DDX3X: variants seen among roughly 807,000 people sequenced by gnomAD.
The protein encoded by DDX3X is ATP-dependent RNA helicase DDX3X.
In DDX3X, 4 loss-of-function variants were observed where a neutral mutation model predicts 52.7. The ratio of observed to expected loss-of-function variants is 0.08; its 90% CI spans 0.04 to 0.17. The LOEUF is 0.17. Among genes scored for constraint, DDX3X ranks in the 10% least tolerant of loss-of-function variants. The pLI, the probability that DDX3X is intolerant of heterozygous loss-of-function variation, is 1.00. For synonymous variants in DDX3X, 192 were observed against 178.1 expected (o/e 1.08, Z -0.62); for missense variants, 222 against 548.6 (o/e 0.40, Z 5.95).
At position 41,346,495 on chromosome X, in the gene DDX3X, T is replaced by G. The variant is rs776607966; in HGVS notation, c.1498-10T>G. 8.3e-7 allele frequency: 1 copy of G among 1,201,910 alleles called. No individual in the cohort carries two copies. Among genetic ancestry groups the G allele is most frequent in the Non-Finnish European group, 1.1e-6 (1 of 889,510 alleles). Reference sequence around the variant, plus strand: ...TAAGTGGGCCATATCTCATAAAAGTTATTTTCCAGGTAGCAGCAAGAGGAC... The same window carrying G: ...TAAGTGGGCCATATCTCATAAAAGTGATTTTCCAGGTAGCAGCAAGAGGAC... On this transcript the variant is annotated splice_polypyrimidine_tract_variant and intron_variant, in intron 13 of 16. Transcript: ENST00000644876.
At position 41,342,421 on chromosome X, in the gene DDX3X, C is replaced by G. The variant is rs141054352; in HGVS notation, c.285-74C>G. ...TAGCCATAACTTAAGTCTCCAGATA[C>G]AGTTCTAGAGTAGGGATAAGAATCT... On this transcript the variant is annotated intron_variant, in intron 4 of 16. Coordinates refer to ENST00000644876, the MANE Select transcript of DDX3X (RefSeq NM_001356.5). 977 of 1,096,500 alleles carry G rather than the reference C, an allele frequency of 8.9e-4. 7 individuals carry two copies. The African/African-American group carries it at 0.016, about 18-fold the overall frequency. 90.4% of individuals were successfully genotyped at this position (1,096,500 alleles called of 1,213,427 possible). A position where few individuals can be genotyped will look rare whatever the true frequency, so the allele number is the denominator to read the frequency against.
chrX:41,334,585 GGACGCGCATGCGC>G, intron 1 of DDX3X: 2 of 1,084,015 alleles, frequency 1.8e-6, no homozygotes, highest in Non-Finnish European at 2.4e-6. Flanking sequence ...GCTCTCGCGG[GGACGCGCATGCGC>G]GAATCCCGAC....
At chrX:41,355,060 A>T (rs1220256224), downstream of DDX3X, among the ~76,000 whole-genome samples, 1 of 111,053 alleles carries the variant, frequency 9.0e-6, no homozygotes, top group Non-Finnish European at 1.9e-5. Context: ...ACCTCGGGTG[A>T]TCCGCCCGCC....
chrX:41,342,957 A>G (rs2063870703), intron 6 of DDX3X, 121 bp downstream of exon 6: 2 of 644,227 alleles, frequency 3.1e-6, no homozygotes, highest in Non-Finnish European at 4.8e-6. Flanking sequence ...TTTGTGGAAA[A>G]GGAGAAGTTG....
At chrX:41,359,628 T>C (rs1203563538) in intron 5 of DDX3X, among the ~76,000 whole-genome samples, 2 of 97,958 alleles carry the variant, frequency 2.0e-5, no homozygotes, top group African/African-American at 3.8e-5. Context: ...TGCCTCCAAA[T>C]TTTGGAGTGA....
At chrX:41,343,035 C>T in intron 6 of DDX3X, 181 bp from the exon 7 acceptor site, 1 of 604,266 alleles carries the variant, frequency 1.7e-6, no homozygotes, top group Non-Finnish European at 2.5e-6. Flanking sequence ...TAGGAACAAC[C>T]CAAAGTCTTC....
At chrX:41,356,929 C>CTTT (rs35577255) in intron 5 of DDX3X, among the ~76,000 whole-genome samples, 73 of 55,894 alleles carry the variant, frequency 1.3e-3, no homozygotes, top group Non-Finnish European at 1.8e-3. Context: ...CACACTAATT[C>CTTT]TTTTTTTTTT....
At chrX:41,355,285 T>C (rs2064004050) in intron 5 of DDX3X, among the ~76,000 whole-genome samples, 1 of 111,478 alleles carries the variant, frequency 9.0e-6, no homozygotes, top group East Asian at 2.8e-4. Flanking sequence ...AGACATAAGT[T>C]TTCATTTATG....
At chrX:41,362,280 G>T (rs1480911968) in intron 5 of DDX3X, among the ~76,000 whole-genome samples, 1 of 109,794 alleles carries the variant, frequency 9.1e-6, no homozygotes, top group Non-Finnish European at 1.9e-5. Flanking sequence ...GTAGAGACGG[G>T]GTTTTGCCAT....
chrX:41,345,095 T>C, intron 10 of DDX3X, 85 bp from the exon 11 acceptor site: 1 of 924,773 alleles, frequency 1.1e-6, no homozygotes, highest in Non-Finnish European at 1.5e-6. Context: ...ATTGTATTTG[T>C]AATTATACTA....
intron 3 of DDX3X, chrX:41,340,986 A>AT (rs1297855289): frequency 0.031 from 6,494 of 210,630 alleles, 1 homozygote; most frequent in East Asian, 0.044. Context: ...GTGTAAAGTA[A>AT]TTTTTTTTTT....
chrX:41,336,851 T>TA (rs2063778394), intron 1 of DDX3X: 1 of 114,035 alleles, frequency 8.8e-6, no homozygotes, highest in Non-Finnish European at 1.8e-5. Context: ...TTCTTAAGAG[T>TA]ACTACCCGAC....
intron 15 of DDX3X, 143 bp downstream of exon 15, chrX:41,347,155 G>A: frequency 2.2e-6 from 2 of 909,176 alleles, no homozygotes; most frequent in Non-Finnish European, 3.1e-6. Context: ...TCTTTGGTAA[G>A]GGGTTGTATT....
At chrX:41,346,787 G>A (rs1379297019) in intron 14 of DDX3X, 72 bp from the exon 15 acceptor site, 17 of 1,030,694 alleles carry the variant, frequency 1.6e-5, no homozygotes, top group African/African-American at 1.9e-5. Context: ...TTTCTACGTA[G>A]GAAAGTAAGA....
chrX:41,343,125 C>A, intron 6 of DDX3X, 91 bp from the exon 7 acceptor site: 1 of 1,009,522 alleles, frequency 9.9e-7, no homozygotes, highest in Non-Finnish European at 1.4e-6. Flanking sequence ...AACTGAGTTA[C>A]CAATCAGCTG....
intron 2 of DDX3X, chrX:41,337,857 T>A (rs904647036): frequency 8.2e-6 from 1 of 121,889 alleles, no homozygotes; most frequent in Non-Finnish European, 1.7e-5. Context: ...AGAACCTTAT[T>A]ATATCAAATT....
intron 5 of DDX3X, among the ~76,000 whole-genome samples, chrX:41,363,745 T>C (rs969296950): frequency 1.8e-5 from 2 of 111,136 alleles, no homozygotes; most frequent in Non-Finnish European, 3.8e-5. Flanking sequence ...ATCGCACCAT[T>C]GCACTCCAGC....
intron 1 of DDX3X, chrX:41,335,316 A>G (rs2147336165): frequency 9.0e-6 from 1 of 111,308 alleles, no homozygotes; most frequent in Admixed American, 9.5e-5. Context: ...CGCCATTGGA[A>G]AAACACCCGG....
At chrX:41,339,294 CTG>C (rs764950334) in intron 3 of DDX3X, 36 of 201,233 alleles carry the variant, frequency 1.8e-4, no homozygotes, top group African/African-American at 1.0e-3. Flanking sequence ...CTATGTCAAA[CTG>C]TTCTGACGCC....
Sources: allele counts gnomAD v4.1 joint callset (sites outside exome capture counted in the v4.1 genomes callset), GRCh38; gene constraint gnomAD v4.1.1; transcripts MANE v1.5; gene names NCBI Gene and HGNC (gene_info 2026-07-23, HGNC 2026-07-21).